The following NTM variants were observed in gnomAD, a reference collection of about 807,000 sequenced individuals.
NTM encodes the protein neurotrimin, also known as IgLON family member 2.
A neutral mutation model predicts 42.1 loss-of-function variants in NTM; 13 were observed. The observed-to-expected ratio is 0.31, with a 90% CI of 0.20 to 0.49. The LOEUF (loss-of-function observed/expected upper bound fraction) is 0.49, where lower values mean the gene tolerates loss of function less well. NTM is among the 20% of genes least tolerant of loss of function. The pLI is 0.99. For missense variants in NTM, 373 were observed against 452.8 expected (o/e 0.82, Z 1.60); for synonymous variants, 187 against 179.2 (o/e 1.04, Z -0.35).
chr11:131,459,319 C>T (rs910134636), intron 1 of NTM, among the ~76,000 whole-genome samples: 2 of 152,160 alleles, frequency 1.3e-5, no homozygotes, highest in Non-Finnish European at 2.9e-5. Context: ...TGGTGTCTTC[C>T]AAAAATATTT....
At chr11:131,464,696 G>A (rs1426566604) in intron 1 of NTM, among the ~76,000 whole-genome samples, 1 of 152,200 alleles carries the variant, frequency 6.6e-6, no homozygotes, top group Admixed American at 6.5e-5. Flanking sequence ...GCAGTGCCCC[G>A]AGGGGCCAGG....
At chr11:131,649,636 G>A (rs981881541) in intron 1 of NTM, among the ~76,000 whole-genome samples, 11 of 152,272 alleles carry the variant, frequency 7.2e-5, no homozygotes, top group African/African-American at 2.2e-4. Context: ...CAGAAACACC[G>A]TAGATAGTAA....
intron 4 of NTM, among the ~76,000 whole-genome samples, chr11:132,281,234 C>G (rs924489498): frequency 4.6e-5 from 7 of 152,102 alleles, no homozygotes; most frequent in African/African-American, 1.7e-4. Flanking sequence ...TTCTGTTAGC[C>G]CAGTGAGTCC....
At chr11:131,858,503 A>G (rs1349100940) in intron 1 of NTM, among the ~76,000 whole-genome samples, 1 of 152,220 alleles carries the variant, frequency 6.6e-6, no homozygotes, top group Non-Finnish European at 1.5e-5. Context: ...GAGTAAATCA[A>G]CACATGTATA....
rs1257645814 is a variant in NTM, at chr11:131,690,029, C to T, written c.83-221535C>T. Among the ~76,000 whole-genome samples, 4 of 152,138 alleles carry T rather than the reference C, an allele frequency of 2.6e-5. No homozygotes were observed. In the East Asian group the frequency reaches 7.7e-4, roughly 29 times the overall value. ...CCTGGTGGTCTCACAGGCAGAGACC[C>T]ATGTTGCTGAATTCATGATGAGATC... On this transcript the variant is annotated intron_variant, in intron 1 of 8. Coordinates refer to ENST00000683400, the MANE Select transcript of NTM (RefSeq NM_001352005.2).
At chr11:131,780,338 A>C (rs1052327931) in intron 1 of NTM, among the ~76,000 whole-genome samples, 1 of 152,184 alleles carries the variant, frequency 6.6e-6, no homozygotes, top group African/African-American at 2.4e-5. Context: ...ACGATAGACG[A>C]GACGACCTCA....
At chr11:131,470,879 T>C (rs943284319) in intron 1 of NTM, among the ~76,000 whole-genome samples, 2 of 152,148 alleles carry the variant, frequency 1.3e-5, no homozygotes, top group East Asian at 1.9e-4. Context: ...CTATGAACAC[T>C]TGCATTTCCA....
chr11:132,091,148 C>T (rs774433462), intron 2 of NTM, among the ~76,000 whole-genome samples: 2 of 152,148 alleles, frequency 1.3e-5, no homozygotes, highest in East Asian at 1.9e-4. Context: ...CTAGCACTTT[C>T]GGAGGTTGAA....
At chr11:132,309,930 C>A (rs1332129031) in intron 5 of NTM, 182 bp from the exon 6 acceptor site, 1 of 322,464 alleles carries the variant, frequency 3.1e-6, no homozygotes, top group Non-Finnish European at 4.5e-6. Flanking sequence ...GTGCCGTGCA[C>A]CTGTAATCCC....
At chr11:131,784,606 AG>A (rs1298329151) in intron 1 of NTM, among the ~76,000 whole-genome samples, 1 of 152,174 alleles carries the variant, frequency 6.6e-6, no homozygotes, top group Admixed American at 6.5e-5. Context: ...CTTGGGGGTT[AG>A]GGGTTGCTGA....
At chr11:131,961,720 C>T (rs188821076) in intron 2 of NTM, among the ~76,000 whole-genome samples, 3 of 152,110 alleles carry the variant, frequency 2.0e-5, no homozygotes, top group Admixed American at 1.3e-4. Context: ...CATCAATAGC[C>T]CTGAGAGGGG....
intron 1 of NTM, among the ~76,000 whole-genome samples, chr11:131,755,723 A>G (rs1195163470): frequency 1.3e-5 from 2 of 152,192 alleles, no homozygotes; most frequent in Non-Finnish European, 2.9e-5. Context: ...AAAGCTATTC[A>G]CATAGAAAAT....
Position 131,405,910 on chromosome 11 carries a change from C to G in NTM, c.82+35022C>G, listed in dbSNP as rs116138157. Among the ~76,000 whole-genome samples, 1,517 of 152,246 alleles carry G rather than the reference C, an allele frequency of 1.0e-2. 30 individuals are homozygous for G. Among genetic ancestry groups the G allele is most frequent in the African/African-American group, 0.035 (1,455 of 41,532 alleles). On this transcript the variant is annotated intron_variant, in intron 1 of 8. Transcript: ENST00000683400. ...GACTGCACACTTGCCATGTCTTCTT[C>G]CTGGAAGGTTTTCCCTCCAGATCTG...
In NTM at chr11:132,203,418, A is replaced by G. The variant is rs140680233; in HGVS notation, c.401-8604A>G. 3.3e-5 allele frequency among the ~76,000 whole-genome samples: 5 copies of G among 152,328 alleles called. No individual in the cohort carries two copies. In the East Asian group the frequency reaches 7.7e-4, roughly 24 times the overall value. On this transcript the variant is annotated intron_variant, in intron 3 of 8. Coordinates refer to ENST00000683400, the MANE Select transcript of NTM (RefSeq NM_001352005.2). ...TAGGTGTTGATATATAATGAATACA[A>G]TCAGAGACTCTAATGATTGCCATGC...
At chr11:131,997,523 G>A (rs1310899029) in intron 2 of NTM, among the ~76,000 whole-genome samples, 1 of 152,186 alleles carries the variant, frequency 6.6e-6, no homozygotes, top group Admixed American at 6.5e-5. Flanking sequence ...GAGCATGCGG[G>A]CAGTGGGTTT....
chr11:131,451,992 C>G (rs552394803), intron 1 of NTM, among the ~76,000 whole-genome samples: 1 of 152,296 alleles, frequency 6.6e-6, no homozygotes, highest in East Asian at 1.9e-4. Context: ...TCCCGCTCTC[C>G]GATGACCCTG....
In NTM at chr11:131,718,235, G is replaced by GAAT. The variant is rs1265645186; in HGVS notation, c.83-193328_83-193326dup. Among the ~76,000 whole-genome samples, 61 of 152,158 alleles carry GAAT rather than the reference G, an allele frequency of 4.0e-4. 1 individual carries two copies. The highest frequency in any genetic ancestry group is 3.9e-3 in the Admixed American group (60 of 15,290). On this transcript the variant is annotated intron_variant, in intron 1 of 8. Coordinates refer to ENST00000683400, the MANE Select transcript of NTM (RefSeq NM_001352005.2). ...ATGCTGACCTTATAGAATGAATTGG[G>GAAT]AATTATTCCTTCCTCTTCAATTTTC...
At chr11:131,584,999 G>A (rs1249040565) in intron 1 of NTM, among the ~76,000 whole-genome samples, 1 of 150,986 alleles carries the variant, frequency 6.6e-6, no homozygotes, top group Non-Finnish European at 1.5e-5. Flanking sequence ...CAAGGGGGGT[G>A]CAGTGGGGGG....
At chr11:131,747,994 G>T (rs916183974) in intron 1 of NTM, among the ~76,000 whole-genome samples, 2 of 152,178 alleles carry the variant, frequency 1.3e-5, no homozygotes, top group African/African-American at 4.8e-5. Flanking sequence ...ATTGTGCATT[G>T]TGACTTCAGT....
Sources: gnomAD v4.1 joint callset for allele counts (sites outside exome capture counted in the v4.1 genomes callset) on GRCh38, gnomAD v4.1.1 for gene constraint, MANE v1.5 for transcripts, NCBI Gene and HGNC (gene_info 2026-07-23, HGNC 2026-07-21) for gene names.